The following NUDT9 variants were observed in gnomAD, a reference collection of about 807,000 sequenced individuals.
The protein encoded by NUDT9 is ADP-ribose pyrophosphatase.
A neutral mutation model predicts 41.0 loss-of-function variants in NUDT9; 31 were observed. That is an observed-to-expected ratio of 0.76 (90% CI 0.57 to 1.02). The LOEUF (loss-of-function observed/expected upper bound fraction) is 1.02, where lower values mean the gene tolerates loss of function less well. NUDT9 is among the 50% of genes least tolerant of loss of function. The pLI, the probability that NUDT9 is intolerant of heterozygous loss-of-function variation, is 0.00. For missense variants in NUDT9, 380 were observed against 431.4 expected (o/e 0.88, Z 1.06); for synonymous variants, 146 against 147.6 (o/e 0.99, Z 0.08).
intron 1 of NUDT9, among the ~76,000 whole-genome samples, chr4:87,427,352 T>G (rs1721479432): frequency 6.6e-6 from 1 of 152,240 alleles, no homozygotes; most frequent in Admixed American, 6.5e-5. Flanking sequence ...TAAATGGACT[T>G]TATCAGCTAC....
At chr4:87,452,264 A>G (rs1036430807) in intron 6 of NUDT9, among the ~76,000 whole-genome samples, 8 of 151,996 alleles carry the variant, frequency 5.3e-5, no homozygotes, top group Admixed American at 6.6e-5. Flanking sequence ...CGGCCTCCCA[A>G]AGTGCTGGGA....
chr4:87,426,461 G>A (rs1007100562), intron 1 of NUDT9, among the ~76,000 whole-genome samples: 54 of 151,322 alleles, frequency 3.6e-4, no homozygotes, highest in South Asian at 4.2e-4. Context: ...CCCAGCTGGT[G>A]TGCAGTGGTG....
intron 6 of NUDT9, among the ~76,000 whole-genome samples, chr4:87,452,661 T>C (rs1055839627): frequency 2.0e-5 from 3 of 151,152 alleles, no homozygotes; most frequent in African/African-American, 7.3e-5. Flanking sequence ...TACCATGTTG[T>C]CCAGGCTGGT....
chr4:87,436,387 T>A (rs1211184018), intron 2 of NUDT9, among the ~76,000 whole-genome samples: 1 of 152,190 alleles, frequency 6.6e-6, no homozygotes, highest in African/African-American at 2.4e-5. Context: ...CATAGCTCAC[T>A]GCAGCCTTGA....
intron 5 of NUDT9, among the ~76,000 whole-genome samples, chr4:87,450,378 C>CTTTTTT (rs59228872): frequency 0.014 from 1,418 of 102,072 alleles, no homozygotes; most frequent in Non-Finnish European, 0.017. Flanking sequence ...TTTTCTTTTT[C>CTTTTTT]TTTTTTTTTT....
intron 1 of NUDT9, among the ~76,000 whole-genome samples, chr4:87,424,972 C>T (rs919951800): frequency 6.6e-6 from 1 of 152,068 alleles, no homozygotes; most frequent in Non-Finnish European, 1.5e-5. Context: ...TAGCTTGAAC[C>T]GGGGAGGTGG....
Position 87,435,167 on chromosome 4 carries a change from A to G in NUDT9, c.294A>G (p.Glu98=), listed in dbSNP as rs781165843. The G allele has an allele frequency of 6.2e-7, 1 of 1,614,228 alleles. No individual in the cohort carries two copies. Among genetic ancestry groups the G allele is most frequent in the Non-Finnish European group, 8.5e-7 (1 of 1,180,038 alleles). ...AGTGGCAAGACTATAAGCCTGTGGA[A>G]TACACTGCAGTCTCTGTCTTGGCTG... ...LVEWQDYKPV[E]YTAVSVLAGP... Residue 98 remains glutamate, a synonymous_variant, in exon 2 of 8, where the codon GAA becomes GAG. Transcript: ENST00000302174.
rs771986705 is a variant in NUDT9, at chr4:87,422,959, C to T, written c.54C>T (p.Ala18=). The part of the protein sequence containing the change: ...KALAAVSLSL[A]LASVTIRSSR... ...TAGCCGCGGTGTCTCTCTCTCTGGCCTTGGCCTCTGTGACTATCAGGTCCT... is the reference window on the plus strand; with the variant it reads ...TAGCCGCGGTGTCTCTCTCTCTGGCTTTGGCCTCTGTGACTATCAGGTCCT... The change falls in exon 1 of 8, where the codon GCC becomes GCT. Residue 18 remains alanine, a synonymous_variant. Transcript: ENST00000302174. The T allele has an allele frequency of 1.2e-6, 2 of 1,613,196 alleles. No homozygotes were observed. Among genetic ancestry groups the T allele is most frequent in the African/African-American group, 2.7e-5 (2 of 74,918 alleles).
chr4:87,445,081 C>T (rs1722386275), intron 4 of NUDT9, among the ~76,000 whole-genome samples: 1 of 152,134 alleles, frequency 6.6e-6, no homozygotes, highest in Non-Finnish European at 1.5e-5. Context: ...TAGTCTATTC[C>T]AGGCATCCTG....
At chr4:87,425,862 C>T (rs1721394213) in intron 1 of NUDT9, among the ~76,000 whole-genome samples, 1 of 152,042 alleles carries the variant, frequency 6.6e-6, no homozygotes, top group African/African-American at 2.4e-5. Context: ...GGCTGGAGTG[C>T]AGTGGTGTGA....
intron 1 of NUDT9, among the ~76,000 whole-genome samples, chr4:87,432,653 G>C (rs1355203359): frequency 6.6e-6 from 1 of 151,972 alleles, no homozygotes; most frequent in East Asian, 1.9e-4. Flanking sequence ...TTCATATATG[G>C]CCTTTATTAT....
chr4:87,447,706 A>G (rs780179431), intron 4 of NUDT9, among the ~76,000 whole-genome samples: 1 of 152,194 alleles, frequency 6.6e-6, no homozygotes, highest in Admixed American at 6.5e-5. Flanking sequence ...AAATAAAAGG[A>G]TAGAGTTTTT....
chr4:87,438,159 C>T, intron 2 of NUDT9, 118 bp from the exon 3 acceptor site: 2 of 456,578 alleles, frequency 4.4e-6, no homozygotes, highest in Non-Finnish European at 7.7e-6. Context: ...AAAAACTAAC[C>T]CTTAAAAATT....
At chr4:87,439,060 G>A (rs752958604) in intron 3 of NUDT9, among the ~76,000 whole-genome samples, 66 of 152,112 alleles carry the variant, frequency 4.3e-4, no homozygotes, top group African/African-American at 1.3e-3. Context: ...CCAGCTACTC[G>A]GGAGGCTGAG....
chr4:87,450,937 T>G (rs1027879573), intron 5 of NUDT9, among the ~76,000 whole-genome samples: 17 of 152,332 alleles, frequency 1.1e-4, no homozygotes, highest in African/African-American at 3.6e-4. Flanking sequence ...CTTTTGGTGC[T>G]CCCATTCCAG....
At chr4:87,446,630 A>G (rs565510689) in intron 4 of NUDT9, among the ~76,000 whole-genome samples, 67 of 152,306 alleles carry the variant, frequency 4.4e-4, no homozygotes, top group African/African-American at 1.5e-3. Flanking sequence ...CAGATTGTCC[A>G]GGTTCAAAGT....
rs752445203 is a variant in NUDT9, at chr4:87,422,865, T to C, written c.-41T>C. ...GGTGTGGGGAGGCGGAGGCACCAAC[T>C]AAGAGCGACCTAGCATCGCAAAGCC... On this transcript the variant is annotated 5_prime_UTR_variant, in exon 1 of 8. Transcript: ENST00000302174. 2 of 1,548,800 alleles carry C rather than the reference T, an allele frequency of 1.3e-6. No homozygotes were observed. Among genetic ancestry groups the C allele is most frequent in the Non-Finnish European group, 1.8e-6 (2 of 1,134,962 alleles).
rs1435770545 is a variant in NUDT9 at position 87,449,786 on chromosome 4, T to G, written c.642+533T>G. On this transcript the variant is annotated intron_variant, in intron 5 of 7. Coordinates refer to ENST00000302174, the MANE Select transcript of NUDT9 (RefSeq NM_024047.5). ...AATAATTTCTATAATGTTATCAAGATGAGTATACTTTTGTTGGCTTGTAGT... is the reference window on the plus strand; with the variant it reads ...AATAATTTCTATAATGTTATCAAGAGGAGTATACTTTTGTTGGCTTGTAGT... Among the ~76,000 whole-genome samples the G allele has an allele frequency of 2.0e-5, 3 of 152,342 alleles. 1 individual carries two copies. Among genetic ancestry groups the G allele is most frequent in the South Asian group, 4.1e-4 (2 of 4,826 alleles).
At chr4:87,435,408 G>A (rs918338826) in intron 2 of NUDT9, among the ~76,000 whole-genome samples, 188 bp downstream of exon 2, 5 of 152,096 alleles carry the variant, frequency 3.3e-5, no homozygotes, top group Admixed American at 2.0e-4. Context: ...TTCTTTTGGG[G>A]GTTTTATGAG....
Sources: gnomAD v4.1 joint callset for allele counts (sites outside exome capture counted in the v4.1 genomes callset) on GRCh38, gnomAD v4.1.1 for gene constraint, MANE v1.5 for transcripts, NCBI Gene and HGNC (gene_info 2026-07-23, HGNC 2026-07-21) for gene names.